CSMD1: variants seen among roughly 807,000 people sequenced by gnomAD.
The protein encoded by CSMD1 is CUB and Sushi multiple domains 1.
Under a neutral mutation model 417.5 loss-of-function variants are expected in CSMD1, and 213 were observed. The ratio of observed to expected loss-of-function variants is 0.51; its 90% CI spans 0.46 to 0.57. CSMD1 has a LOEUF of 0.57. CSMD1 is among the 20% of genes least tolerant of loss of function. CSMD1 has a pLI of 0.00. For missense variants in CSMD1, 6,923 were observed against 4,529.7 expected (o/e 1.53, Z -15.17); for synonymous variants, 2,862 against 1,736.8 (o/e 1.65, Z -16.11).
intron 23 of CSMD1, among the ~76,000 whole-genome samples, chr8:3,314,203 T>G (rs1018199293): frequency 6.6e-6 from 1 of 152,094 alleles, no homozygotes; most frequent in African/African-American, 2.4e-5. Context: ...CACACCAACA[T>G]GGCACATGTA....
At chr8:4,132,213 TTTC>T (rs371912279) in intron 3 of CSMD1, among the ~76,000 whole-genome samples, 2,430 of 60,576 alleles carry the variant, frequency 0.04, 52 homozygotes, top group East Asian at 0.13. Flanking sequence ...TTTTTTTTTT[TTTC>T]ACGGGGTAGT....
chr8:3,382,631 ATC>A (rs1030103533), intron 18 of CSMD1, among the ~76,000 whole-genome samples: 1 of 144,676 alleles, frequency 6.9e-6, no homozygotes, highest in Non-Finnish European at 1.5e-5. Context: ...AAATATAAAT[ATC>A]TCTCTCTATA....
At chr8:3,829,819 A>G (rs758426243) in intron 5 of CSMD1, among the ~76,000 whole-genome samples, 22 of 152,158 alleles carry the variant, frequency 1.4e-4, no homozygotes, top group African/African-American at 1.9e-4. Context: ...TGGCCACTGA[A>G]TAAGTTCGTT....
Position 3,094,996 on chromosome 8 carries a change from G to A in CSMD1, c.7138+1853C>T, listed in dbSNP as rs532391272. Among the ~76,000 whole-genome samples the A allele has an allele frequency of 2.6e-5, 4 of 152,036 alleles. No homozygotes were observed. In the South Asian group the frequency reaches 8.3e-4, roughly 32 times the overall value. ...TTTTGACAGCAAGTATTATGCTATTGTCTCTAACGTATTTTACCTGTTGTT... is the reference window on the plus strand; with the variant it reads ...TTTTGACAGCAAGTATTATGCTATTATCTCTAACGTATTTTACCTGTTGTT... On this transcript the variant is annotated intron_variant, in intron 47 of 69. Transcript: ENST00000635120.
chr8:3,303,649 G>A (rs933609112), intron 25 of CSMD1, among the ~76,000 whole-genome samples: 1 of 152,188 alleles, frequency 6.6e-6, no homozygotes, highest in Non-Finnish European at 1.5e-5. Context: ...TAGGAACAGT[G>A]TACACATATG....
chr8:3,416,195 G>A (rs150266289), intron 12 of CSMD1, among the ~76,000 whole-genome samples: 9 of 151,120 alleles, frequency 6.0e-5, no homozygotes, highest in South Asian at 2.1e-4. Flanking sequence ...CCAGCTACTC[G>A]GGAGGCTGAG....
intron 3 of CSMD1, among the ~76,000 whole-genome samples, chr8:4,248,243 C>A (rs558610933): frequency 2.5e-4 from 38 of 152,174 alleles, no homozygotes; most frequent in African/African-American, 9.2e-4. Context: ...CAGGACTAGT[C>A]CAGGAACATT....
intron 1 of CSMD1, among the ~76,000 whole-genome samples, chr8:4,890,748 G>T (rs757545608): frequency 3.3e-5 from 5 of 151,810 alleles, no homozygotes; most frequent in Non-Finnish European, 7.4e-5. Context: ...GTTTGCAATT[G>T]AAAGTCATGG....
At chr8:4,711,853 C>A (rs1808321658) in intron 1 of CSMD1, among the ~76,000 whole-genome samples, 1 of 152,114 alleles carries the variant, frequency 6.6e-6, no homozygotes, top group Admixed American at 6.5e-5. Context: ...TAATAATGAT[C>A]TTTGTTAATA....
At chr8:4,479,838 C>T (rs942756833) in intron 2 of CSMD1, among the ~76,000 whole-genome samples, 1 of 151,856 alleles carries the variant, frequency 6.6e-6, no homozygotes, top group Non-Finnish European at 1.5e-5. Flanking sequence ...GTGGCGCCCA[C>T]TCCTTTAGTT....
At chr8:3,007,687 C>G (rs375155544) in intron 52 of CSMD1, among the ~76,000 whole-genome samples, 1 of 148,514 alleles carries the variant, frequency 6.7e-6, no homozygotes, top group Admixed American at 6.9e-5. Flanking sequence ...AACCAAACAC[C>G]GCATATTCTC....
chr8:4,877,932 G>C (rs189004981), intron 1 of CSMD1, among the ~76,000 whole-genome samples: 1 of 152,026 alleles, frequency 6.6e-6, no homozygotes, highest in Non-Finnish European at 1.5e-5. Flanking sequence ...ATGGGAAAGG[G>C]ACCTACCCAA....
intron 3 of CSMD1, among the ~76,000 whole-genome samples, chr8:4,140,585 T>C (rs1244232428): frequency 6.6e-6 from 1 of 151,024 alleles, no homozygotes; most frequent in Non-Finnish European, 1.5e-5. Flanking sequence ...GGAAGACTGC[T>C]TGAACCCAAG....
At chr8:3,149,134 A>C (rs927131497) in intron 40 of CSMD1, among the ~76,000 whole-genome samples, 2 of 152,152 alleles carry the variant, frequency 1.3e-5, no homozygotes, top group African/African-American at 4.8e-5. Flanking sequence ...CCCAAATATG[A>C]ATTTAGACAA....
intron 14 of CSMD1, among the ~76,000 whole-genome samples, chr8:3,407,390 T>G (rs971029977): frequency 1.3e-5 from 2 of 148,178 alleles, no homozygotes; most frequent in Non-Finnish European, 3.0e-5. Flanking sequence ...GATGGAACGA[T>G]GGATGGATGG....
At chr8:4,002,221 G>C (rs1285500180) in intron 4 of CSMD1, among the ~76,000 whole-genome samples, 2 of 151,876 alleles carry the variant, frequency 1.3e-5, no homozygotes, top group African/African-American at 2.4e-5. Context: ...GTGTGTGAGT[G>C]TGTGTGCATG....
chr8:3,364,881 C>T (rs986972232), intron 20 of CSMD1, among the ~76,000 whole-genome samples: 19 of 152,228 alleles, frequency 1.2e-4, no homozygotes, highest in Middle Eastern at 3.4e-3. Context: ...AGACAGTAGT[C>T]GTCAAAAGAG....
At chr8:3,876,885 G>C (rs1042719141) in intron 5 of CSMD1, among the ~76,000 whole-genome samples, 6 of 152,174 alleles carry the variant, frequency 3.9e-5, no homozygotes, top group Non-Finnish European at 8.8e-5. Context: ...ATCATGCGTG[G>C]GATTACAGGC....
rs904435006 is a variant in CSMD1 at position 4,140,463 on chromosome 8, A to G, written c.416-108364T>C. ...CCGTGAGCCAAGATCAAACATTTGC[A>G]CTCCAGTATAAGCAACAAAATCCAT... On this transcript the variant is annotated intron_variant, in intron 3 of 69. Transcript: ENST00000635120. 3.3e-5 allele frequency among the ~76,000 whole-genome samples: 5 copies of G among 150,438 alleles called. 1 individual carries two copies. Among genetic ancestry groups the G allele is most frequent in the African/African-American group, 1.2e-4 (5 of 40,032 alleles).
Sources: gnomAD v4.1 joint callset for allele counts (sites outside exome capture counted in the v4.1 genomes callset) on GRCh38, gnomAD v4.1.1 for gene constraint, MANE v1.5 for transcripts, NCBI Gene and HGNC (gene_info 2026-07-23, HGNC 2026-07-21) for gene names.